JARID2: variants seen among roughly 807,000 people sequenced by gnomAD.
The protein encoded by JARID2 is protein Jumonji.
In JARID2, 21 loss-of-function variants were observed where a neutral mutation model predicts 125.6. The ratio of observed to expected loss-of-function variants is 0.17; its 90% CI spans 0.12 to 0.24. JARID2 has a LOEUF of 0.24. Among genes scored for constraint, JARID2 ranks in the 10% least tolerant of loss-of-function variants. The pLI is 1.00. For synonymous variants in JARID2, 736 were observed against 661.6 expected, an observed-to-expected ratio of 1.11 and a Z score of -1.73; for missense variants, 1,303 against 1,639.6, an observed-to-expected ratio of 0.79 and a Z score of 3.55.
intron 3 of JARID2, among the ~76,000 whole-genome samples, chr6:15,441,006 G>T (rs907491646): frequency 1.3e-5 from 2 of 152,082 alleles, no homozygotes; most frequent in Non-Finnish European, 2.9e-5. Context: ...TAAGGTCCAG[G>T]CAACTAAATA....
intron 1 of JARID2, among the ~76,000 whole-genome samples, chr6:15,355,549 T>G (rs1763570167): frequency 6.6e-6 from 1 of 152,186 alleles, no homozygotes; most frequent in African/African-American, 2.4e-5. Flanking sequence ...TTCACTGTTG[T>G]AACCATTGTA....
chr6:15,394,848 A>G (rs1003872852), intron 2 of JARID2, among the ~76,000 whole-genome samples: 1 of 152,064 alleles, frequency 6.6e-6, no homozygotes, highest in Non-Finnish European at 1.5e-5. Context: ...GACTCAACCC[A>G]GCTACCCCAG....
At chr6:15,371,914 A>G (rs1161207913) in intron 1 of JARID2, among the ~76,000 whole-genome samples, 1 of 152,162 alleles carries the variant, frequency 6.6e-6, no homozygotes, top group Non-Finnish European at 1.5e-5. Flanking sequence ...CAGCAGTCGG[A>G]AATCTCAGCC....
At chr6:15,445,559 T>C (rs1767636931) in intron 3 of JARID2, among the ~76,000 whole-genome samples, 1 of 152,172 alleles carries the variant, frequency 6.6e-6, no homozygotes, top group South Asian at 2.1e-4. Context: ...ATAGGGATCT[T>C]TCCCCCTTCG....
chr6:15,347,908 T>C (rs559315021), intron 1 of JARID2, among the ~76,000 whole-genome samples: 36 of 152,210 alleles, frequency 2.4e-4, no homozygotes, highest in Non-Finnish European at 4.6e-4. Flanking sequence ...CATGCCACCA[T>C]GCCCAGTTGA....
chr6:15,332,221 A>G (rs1316853833), intron 1 of JARID2, among the ~76,000 whole-genome samples: 2 of 152,268 alleles, frequency 1.3e-5, no homozygotes, highest in Non-Finnish European at 2.9e-5. Flanking sequence ...TAATATTTAC[A>G]GGGCATGTCA....
intron 2 of JARID2, among the ~76,000 whole-genome samples, chr6:15,389,137 A>G (rs1023626459): frequency 6.6e-6 from 1 of 152,072 alleles, no homozygotes; most frequent in South Asian, 2.1e-4. Context: ...CCATTTTGCA[A>G]TCATTTAACT....
chr6:15,315,261 G>A (rs1413222015), intron 1 of JARID2, among the ~76,000 whole-genome samples: 1 of 152,170 alleles, frequency 6.6e-6, no homozygotes, highest in African/African-American at 2.4e-5. Context: ...TGTTTTTATT[G>A]CAAACAACTT....
intron 1 of JARID2, among the ~76,000 whole-genome samples, chr6:15,328,782 C>G (rs1762612892): frequency 6.6e-6 from 1 of 152,198 alleles, no homozygotes; most frequent in Non-Finnish European, 1.5e-5. Flanking sequence ...TCATTTACAC[C>G]TGTGCAGCAC....
In JARID2 at chr6:15,520,115, G is replaced by C. The variant is rs768251933; in HGVS notation, c.3605G>C (p.Gly1202Ala). 3 of 1,613,668 alleles carry C rather than the reference G, an allele frequency of 1.9e-6. No individual in the cohort carries two copies. Among genetic ancestry groups the C allele is most frequent in the Admixed American group, 1.7e-5 (1 of 59,948 alleles). ...LVNQICGKVS[G>A]KNGSIENCLS... is the part of the protein sequence containing the mutation. Reference sequence around the variant, plus strand: ...AATCAGATCTGCGGCAAAGTGTCTGGTAAAAACGGCAGCATTGAGAACTGT... The same window carrying C: ...AATCAGATCTGCGGCAAAGTGTCTGCTAAAAACGGCAGCATTGAGAACTGT... Residue 1202 changes from glycine to alanine, a missense_variant, in exon 18 of 18, where the codon GGT (glycine) becomes GCT (alanine). By Grantham distance (60) the Gly-to-Ala change is moderately conservative. Coordinates refer to ENST00000341776, the MANE Select transcript of JARID2 (RefSeq NM_004973.4).
chr6:15,400,982 T>G (rs972790609), intron 2 of JARID2: 31 of 1,289,420 alleles, frequency 2.4e-5, no homozygotes, highest in Non-Finnish European at 3.0e-5. Flanking sequence ...CAGGTGCAGT[T>G]TTTGGTGGCT....
At chr6:15,267,970 GGGGATC>G (rs1760152691) in intron 1 of JARID2, among the ~76,000 whole-genome samples, 1 of 152,096 alleles carries the variant, frequency 6.6e-6, no homozygotes, top group Admixed American at 6.6e-5. Context: ...TAACTGCGGC[GGGGATC>G]GGTTAATAGT....
At chr6:15,452,252 G>C in intron 4 of JARID2, 77 bp downstream of exon 4, 2 of 1,544,222 alleles carry the variant, frequency 1.3e-6, no homozygotes, top group South Asian at 2.5e-5. Context: ...AGTAACCTTA[G>C]CTTTACTCTC....
At chr6:15,355,931 T>C (rs573627679) in intron 1 of JARID2, among the ~76,000 whole-genome samples, 1 of 152,308 alleles carries the variant, frequency 6.6e-6, no homozygotes, top group South Asian at 2.1e-4. Flanking sequence ...TTTCTGGAAC[T>C]TTTTCATCAC....
At chr6:15,300,718 T>TGAGAGAGAGAGAGAGA (rs1369406317) in intron 1 of JARID2, among the ~76,000 whole-genome samples, 1 of 140,524 alleles carries the variant, frequency 7.1e-6, no homozygotes, top group Non-Finnish European at 1.5e-5. Context: ...TGTGTGTGTG[T>TGAGAGAGAGAGAGAGA]GTGTGAGAGA....
chr6:15,294,005 C>T (rs565541533), intron 1 of JARID2, among the ~76,000 whole-genome samples: 1 of 152,302 alleles, frequency 6.6e-6, no homozygotes, highest in South Asian at 2.1e-4. Flanking sequence ...TTGACATTGC[C>T]ATTTTCCTTT....
At chr6:15,253,090 G>GTC (rs35030463) in intron 1 of JARID2, among the ~76,000 whole-genome samples, 15 of 151,008 alleles carry the variant, frequency 9.9e-5, no homozygotes, top group Admixed American at 6.6e-4. Context: ...AGACAGAGGA[G>GTC]TCTCTCTCTC....
intron 1 of JARID2, among the ~76,000 whole-genome samples, chr6:15,261,930 G>A (rs1459762642): frequency 2.0e-5 from 3 of 151,812 alleles, no homozygotes; most frequent in Admixed American, 6.6e-5. Context: ...ACAGGCGCGC[G>A]CCACCATGCC....
At chr6:15,326,220 T>C (rs1212555969) in intron 1 of JARID2, among the ~76,000 whole-genome samples, 1 of 152,080 alleles carries the variant, frequency 6.6e-6, no homozygotes, top group Non-Finnish European at 1.5e-5. Flanking sequence ...TCTCAGACAT[T>C]TTTTTGGGGG....
Sources: allele counts gnomAD v4.1 joint callset (sites outside exome capture counted in the v4.1 genomes callset), GRCh38; gene constraint gnomAD v4.1.1; transcripts MANE v1.5; gene names NCBI Gene and HGNC (gene_info 2026-07-23, HGNC 2026-07-21).